The following TRPV4 variants were observed in gnomAD, a reference collection of about 807,000 sequenced individuals.
The protein encoded by TRPV4 is transient receptor potential cation channel subfamily V member 4.
TRPV4 carries 58 observed loss-of-function variants against 84.1 expected under a neutral mutation model. The ratio of observed to expected loss-of-function variants is 0.69; its 90% CI spans 0.56 to 0.86. TRPV4 has a LOEUF of 0.86. Ranked by LOEUF, TRPV4 falls within the 40% of genes least tolerant of loss-of-function variation. TRPV4 has a pLI of 0.00. For missense variants in TRPV4, 879 were observed against 1,181.1 expected (o/e 0.74, Z 3.75); for synonymous variants, 489 against 500.9 (o/e 0.98, Z 0.32).
chr12:109,794,740 G>A (rs968602166), intron 7 of TRPV4, among the ~76,000 whole-genome samples: 13 of 152,248 alleles, frequency 8.5e-5, no homozygotes, highest in Middle Eastern at 6.8e-3. Context: ...TTTTCAGGCC[G>A]GCCGCAGTGG....
At chr12:109,800,818 TG>T in intron 4 of TRPV4, 60 bp from the exon 5 acceptor site, 1 of 709,498 alleles carries the variant, frequency 1.4e-6, no homozygotes, top group Non-Finnish European at 1.7e-6. Context: ...CCAGGCTTGC[TG>T]GGGGTGGGGG....
rs1225203912 is a variant in TRPV4 at position 109,796,287 on chromosome 12, C to G, written c.1332+238G>C. Among the ~76,000 whole-genome samples, 1 of 152,182 alleles carries G rather than the reference C, an allele frequency of 6.6e-6. No individual in the cohort carries two copies. Among genetic ancestry groups the G allele is most frequent in the East Asian group, 1.9e-4 (1 of 5,192 alleles). The stretch of plus-strand genomic sequence containing the variant: ...GCATGTAAGTTACAGAGCCAGGATC[C>G]CAACCCAGTCCTACCTGCCCCAAAA... On this transcript the variant is annotated intron_variant, in intron 7 of 15. Transcript: ENST00000261740. The surrounding 1 kb of genome is among the most constrained non-coding windows in gnomAD (Gnocchi z 4.2).
chr12:109,809,318 C>CACTA, intron 2 of TRPV4, among the ~76,000 whole-genome samples: 1 of 144,430 alleles, frequency 6.9e-6, no homozygotes. Context: ...TCCATCCATC[C>CACTA]CTCATCCATA....
intron 13 of TRPV4, among the ~76,000 whole-genome samples, chr12:109,787,061 C>A (rs371992490): frequency 6.6e-6 from 1 of 152,162 alleles, no homozygotes; most frequent in South Asian, 2.1e-4. Flanking sequence ...GCCGCCCAAG[C>A]CCTATCACAC....
At position 109,792,427 on chromosome 12, in the gene TRPV4, A is replaced by T. The variant is rs757493897; in HGVS notation, c.1827T>A (p.Ile609=). ...GGAATCGGAAAAGGTCCTTGAAGAGAATCTAAAGACCCCAGCGGGATTATG... is the reference window on the plus strand; with the variant it reads ...GGAATCGGAAAAGGTCCTTGAAGAGTATCTAAAGACCCCAGCGGGATTATG... ...TGTYSIMIQK[I]LFKDLFRFLL... Residue 609 remains isoleucine (I), a splice_region_variant and synonymous_variant, in exon 12 of 16, where the codon ATT becomes ATA. Transcript: ENST00000261740. 35 of 1,613,806 alleles carry T rather than the reference A, an allele frequency of 2.2e-5. No homozygotes were observed. Among genetic ancestry groups the T allele is most frequent in the African/African-American group, 1.1e-4 (8 of 74,900 alleles).
intron 2 of TRPV4, among the ~76,000 whole-genome samples, chr12:109,812,790 T>C (rs1891602505): frequency 6.6e-6 from 1 of 152,122 alleles, no homozygotes; most frequent in Non-Finnish European, 1.5e-5. Context: ...GAAGATGAAA[T>C]GACATTCAGA....
chr12:109,806,201 CTT>C (rs912588122), intron 3 of TRPV4, among the ~76,000 whole-genome samples: 1 of 146,550 alleles, frequency 6.8e-6, no homozygotes, highest in Admixed American at 6.8e-5. Context: ...ATTGTATTTT[CTT>C]TTTTTTTTTG....
chr12:109,811,073 C>T (rs1891484946), intron 2 of TRPV4, among the ~76,000 whole-genome samples: 1 of 152,176 alleles, frequency 6.6e-6, no homozygotes, highest in South Asian at 2.1e-4. Context: ...TTCTCTCCAC[C>T]TACAACACCC....
intron 3 of TRPV4, 137 bp from the exon 4 acceptor site, chr12:109,803,280 T>A: frequency 9.2e-7 from 1 of 1,089,836 alleles, no homozygotes; most frequent in African/African-American, 1.6e-5. Context: ...TGTTTCCTCA[T>A]CTGTCCAGTG....
chr12:109,827,048 C>G (rs529196628), intron 1 of TRPV4, among the ~76,000 whole-genome samples: 7 of 152,148 alleles, frequency 4.6e-5, no homozygotes, highest in Non-Finnish European at 8.8e-5. Flanking sequence ...AATGAATGAA[C>G]AGAGGAAAGG....
intron 7 of TRPV4, 43 bp from the exon 8 acceptor site, chr12:109,794,530 G>A: frequency 6.2e-7 from 1 of 1,610,442 alleles, no homozygotes; most frequent in East Asian, 2.2e-5. Context: ...CCTGAGATGG[G>A]TGGGGGGTCC....
chr12:109,800,493 G>C (rs191191008), intron 5 of TRPV4, 125 bp downstream of exon 5: 2 of 1,259,964 alleles, frequency 1.6e-6, no homozygotes, highest in Non-Finnish European at 2.2e-6. Context: ...TGCTGCCTGC[G>C]CTCATGGCCA....
In TRPV4 at chr12:109,793,517, C is replaced by T. The variant is rs1890171906; in HGVS notation, c.1658+10G>A. 8 of 1,613,056 alleles carry T rather than the reference C, an allele frequency of 5.0e-6. No homozygotes were observed. The Middle Eastern group carries it at 4.9e-4, about 100-fold the overall frequency. ...ACCCAGAAGCTGCCGGCCCAGGGAC[C>T]TCTACTCACTAGAGCAGCTGGAAGG... is the stretch of plus-strand genomic sequence containing the variant. On this transcript the variant is annotated intron_variant, in intron 10 of 15. Transcript: ENST00000261740. The surrounding 1 kb of genome is among the most constrained non-coding windows in gnomAD (Gnocchi z 4.0).
chr12:109,789,864 A>G (rs1592822605), intron 12 of TRPV4, among the ~76,000 whole-genome samples: 2 of 152,354 alleles, frequency 1.3e-5, no homozygotes, highest in Admixed American at 6.5e-5. Flanking sequence ...GATGTCTGCT[A>G]TGGACACCAA....
intron 2 of TRPV4, among the ~76,000 whole-genome samples, chr12:109,812,956 G>T (rs1891613292): frequency 6.6e-6 from 1 of 152,154 alleles, no homozygotes; most frequent in Non-Finnish European, 1.5e-5. Context: ...ATGGGTAAAT[G>T]AATGAGTAGA....
intron 1 of TRPV4, among the ~76,000 whole-genome samples, chr12:109,821,910 C>T (rs1170458739): frequency 6.6e-6 from 1 of 152,100 alleles, no homozygotes; most frequent in East Asian, 1.9e-4. Context: ...TTTCGTGTCC[C>T]CTGTGTCCCC....
At chr12:109,824,620 G>T (rs1040152262) in intron 1 of TRPV4, among the ~76,000 whole-genome samples, 9 of 152,072 alleles carry the variant, frequency 5.9e-5, no homozygotes, top group Non-Finnish European at 8.8e-5. Flanking sequence ...GCCGGGTGTG[G>T]TAGCATGCAC....
rs569049105 is a variant in TRPV4, at chr12:109,793,952, C to T, written c.1562G>A (p.Gly521Glu). The T allele has an allele frequency of 2.5e-6, 4 of 1,610,344 alleles. No individual in the cohort carries two copies. The highest frequency in any genetic ancestry group is 1.1e-5 in the South Asian group (1 of 89,626). Residue 521 changes from glycine to glutamate, a missense_variant, in exon 9 of 16, where the codon GGG (glycine) becomes GAG (glutamate). Gly to Glu is a moderately conservative substitution (Grantham distance 98). Transcript: ENST00000261740. This position sits in a 1 kb window ranked among gnomAD's most constrained non-coding sequence, Gnocchi z 4.0. Reference sequence around the variant, plus strand: ...TACGTTGGTGAAGAAGAACAGGACCCCAGTGAAGAGCGTAATGACCTCGCC... The same window carrying T: ...TACGTTGGTGAAGAAGAACAGGACCTCAGTGAAGAGCGTAATGACCTCGCC... ...LAGEVITLFT[G>E]VLFFFTNIKD...
chr12:109,815,017 C>T lies in TRPV4; in HGVS notation c.-31-190G>A. 1 of 602,118 alleles carries T rather than the reference C, an allele frequency of 1.7e-6. No individual in the cohort carries two copies. The highest frequency in any genetic ancestry group is 2.0e-5 in the South Asian group (1 of 50,300). 37.3% of individuals were successfully genotyped at this position (602,118 alleles called of 1,614,324 possible). A position where few individuals can be genotyped will look rare whatever the true frequency, so the allele number is the denominator to read the frequency against. On this transcript the variant is annotated intron_variant, in intron 1 of 15. Transcript: ENST00000261740. This position sits in a 1 kb window ranked among gnomAD's most constrained non-coding sequence, Gnocchi z 4.1. ...CCTCAGGCGGGAACTGCAACAGGAG[C>T]CTCTTTCACGAACCTGGAAACACAA...
Sources: gnomAD v4.1 joint callset for allele counts (sites outside exome capture counted in the v4.1 genomes callset) on GRCh38, gnomAD v4.1.1 for gene constraint, Gnocchi (gnomAD v3.1) non-coding constraint, MANE v1.5 for transcripts, NCBI Gene and HGNC (gene_info 2026-07-23, HGNC 2026-07-21) for gene names.